The following CNST variants were observed in gnomAD, a reference collection of about 807,000 sequenced individuals.
CNST encodes consortin.
A neutral mutation model predicts 72.4 loss-of-function variants in CNST; 39 were observed. That is an observed-to-expected ratio of 0.54 (90% CI 0.42 to 0.70). The LOEUF (loss-of-function observed/expected upper bound fraction) is 0.70, where lower values mean the gene tolerates loss of function less well. Among genes scored for constraint, CNST ranks in the 30% least tolerant of loss-of-function variants. The probability of loss-of-function intolerance (pLI) is 0.00; values close to 1 mark genes in which losing one functional copy is unlikely to be tolerated. For synonymous variants in CNST, 332 were observed against 320.1 expected, an observed-to-expected ratio of 1.04 and a Z score of -0.40; for missense variants, 871 against 868.5, an observed-to-expected ratio of 1.00 and a Z score of -0.04.
At position 246,638,234 on chromosome 1, in the gene CNST, TGGAA is replaced by T. The variant is rs563103532; in HGVS notation, c.819-3513_819-3510del. Among the ~76,000 whole-genome samples the T allele has an allele frequency of 4.2e-3, 643 of 152,312 alleles. 5 individuals carry two copies. The highest frequency in any genetic ancestry group is 6.4e-3 in the Non-Finnish European group (434 of 68,016). ...TCCTTGCTTTTGGAGGTTCTGGACC[TGGAA>T]GTCCTCCTTTTCTTCTGAGGAGTAA... On this transcript the variant is annotated intron_variant, in intron 6 of 10. Coordinates refer to ENST00000366513, the MANE Select transcript of CNST (RefSeq NM_152609.3).
intron 1 of CNST, among the ~76,000 whole-genome samples, chr1:246,580,124 G>C (rs1180483347): frequency 3.3e-5 from 5 of 152,122 alleles, no homozygotes. Flanking sequence ...CTTGAAAGTG[G>C]TAATAAACTG....
chr1:246,646,741 A>G (rs1666102354), intron 8 of CNST, among the ~76,000 whole-genome samples: 1 of 152,212 alleles, frequency 6.6e-6, no homozygotes, highest in South Asian at 2.1e-4. Context: ...CGGCCTCCCA[A>G]AGTGCTGGGA....
At chr1:246,580,322 TTAAA>T (rs1660701430) in intron 1 of CNST, among the ~76,000 whole-genome samples, 1 of 152,198 alleles carries the variant, frequency 6.6e-6, no homozygotes, top group African/African-American at 2.4e-5. Flanking sequence ...TGGTCAGAAA[TTAAA>T]TGAATGCATG....
intron 2 of CNST, among the ~76,000 whole-genome samples, chr1:246,613,324 T>G (rs1663457161): frequency 6.6e-6 from 1 of 152,130 alleles, no homozygotes; most frequent in African/African-American, 2.4e-5. Flanking sequence ...ATTCCTTTCC[T>G]CAGGGTGTGT....
intron 2 of CNST, among the ~76,000 whole-genome samples, chr1:246,616,331 T>G (rs1663686809): frequency 6.6e-6 from 1 of 152,072 alleles, no homozygotes; most frequent in Non-Finnish European, 1.5e-5. Context: ...GGAGGACCAG[T>G]TGAGGCCAGA....
rs1278842970 is a variant in CNST, at chr1:246,591,682, A to C, written c.120A>C (p.Glu40Asp). The C allele has an allele frequency of 6.2e-7, 1 of 1,614,098 alleles. No homozygotes were observed. The highest frequency in any genetic ancestry group is 1.3e-5 in the African/African-American group (1 of 74,928). Residue 40 changes from glutamate to aspartate, a missense_variant, in exon 2 of 11, where the codon GAA becomes GAC. Glu to Asp is a conservative substitution (Grantham distance 45, BLOSUM62 2). Transcript: ENST00000366513. ...TCLPSASDEN[E>D]NQLDGDGHEH... ...TGCCTTCTGCATCAGATGAAAATGA[A>C]AATCAGCTTGACGGGGACGGGCATG...
rs114528134 is a variant in CNST, at chr1:246,574,631, A to G, written c.-52+7968A>G. Among the ~76,000 whole-genome samples the G allele has an allele frequency of 4.3e-3, 660 of 151,860 alleles. 3 individuals are homozygous for G. The highest frequency in any genetic ancestry group is 0.015 in the African/African-American group (633 of 41,416). On this transcript the variant is annotated intron_variant, in intron 1 of 10. Coordinates refer to ENST00000366513, the MANE Select transcript of CNST (RefSeq NM_152609.3). ...AGATAGGGCCTCCCTGTGTTGCCCCAGCTGGTCTAGAACTCCTGGCCTCCT... is the reference window on the plus strand; with the variant it reads ...AGATAGGGCCTCCCTGTGTTGCCCCGGCTGGTCTAGAACTCCTGGCCTCCT...
chr1:246,570,680 T>TG (rs11423521), intron 1 of CNST, among the ~76,000 whole-genome samples: 48,668 of 151,984 alleles, frequency 0.32, 8,269 homozygotes, highest in Admixed American at 0.39. Flanking sequence ...GGATGTTCTA[T>TG]AAGAAAATAA....
At position 246,631,904 on chromosome 1, in the gene CNST, C is replaced by G. The variant is rs1558572946; in HGVS notation, c.596C>G (p.Ser199Cys). 6.5e-7 allele frequency: 1 copy of G among 1,549,264 alleles called. No individual in the cohort carries two copies. The highest frequency in any genetic ancestry group is 2.3e-5 in the East Asian group (1 of 44,060). The change falls in exon 4 of 11, where the codon TCC becomes TGC. Residue 199 changes from serine (S) to cysteine (C), a missense_variant. Physicochemically the swap from Ser to Cys is moderately radical, Grantham distance 112. Coordinates refer to ENST00000366513, the MANE Select transcript of CNST (RefSeq NM_152609.3). ...LPLCLHQIAE[S>C]YFQEEDYEKA... The stretch of plus-strand genomic sequence containing the variant: ...CTTTGTTTTTAACAGATAGCAGAAT[C>G]CTATTTCCAGGAGGAGGACTGTATC...
intron 9 of CNST, among the ~76,000 whole-genome samples, chr1:246,650,440 C>T (rs558832030): frequency 6.6e-6 from 1 of 152,212 alleles, no homozygotes; most frequent in South Asian, 2.1e-4. Context: ...TACTTACTAC[C>T]CTCGCTATTC....
At chr1:246,643,167 C>T (rs567278658) in intron 8 of CNST, among the ~76,000 whole-genome samples, 51 of 152,156 alleles carry the variant, frequency 3.4e-4, no homozygotes, top group African/African-American at 1.1e-3. Context: ...CCTGGAATTA[C>T]AGGCATGAGC....
chr1:246,605,146 A>C (rs1662627742), intron 2 of CNST, among the ~76,000 whole-genome samples: 1 of 152,378 alleles, frequency 6.6e-6, no homozygotes, highest in East Asian at 1.9e-4. Flanking sequence ...TGGAATGAAC[A>C]GGGAAAATAT....
At chr1:246,607,274 C>A (rs1662918928) in intron 2 of CNST, 1 of 151,930 alleles carries the variant, frequency 6.6e-6, no homozygotes, top group South Asian at 2.1e-4. Flanking sequence ...GAAGGTCTAT[C>A]CCATGCCACG....
intron 2 of CNST, among the ~76,000 whole-genome samples, chr1:246,599,678 C>T (rs1011243576): frequency 2.0e-4 from 30 of 152,172 alleles, no homozygotes; most frequent in African/African-American, 6.8e-4. Flanking sequence ...GAGGCTAAAG[C>T]GAGCAGCATA....
chr1:246,591,489 CT>C, intron 1 of CNST, 22 bp from the exon 2 acceptor site: 1 of 1,534,106 alleles, frequency 6.5e-7, no homozygotes, highest in Non-Finnish European at 8.9e-7. Context: ...AATGAAGTAG[CT>C]TTTTTCTTTT....
At chr1:246,574,961 TTCC>T (rs1367305488) in intron 1 of CNST, among the ~76,000 whole-genome samples, 36 of 141,688 alleles carry the variant, frequency 2.5e-4, no homozygotes, top group Non-Finnish European at 3.6e-4. Flanking sequence ...TGAACAAATC[TTCC>T]TCAAGTATTT....
chr1:246,575,855 T>G (rs1011503417), intron 1 of CNST, among the ~76,000 whole-genome samples: 5 of 152,176 alleles, frequency 3.3e-5, no homozygotes, highest in Non-Finnish European at 7.3e-5. Context: ...AATTCCCTAT[T>G]TTTATTTCAA....
chr1:246,605,662 C>T (rs1186896452), intron 2 of CNST, among the ~76,000 whole-genome samples: 6 of 149,140 alleles, frequency 4.0e-5, no homozygotes, highest in Admixed American at 6.7e-5. Context: ...GTCTTCCGGC[C>T]GGGGTGCGTG....
At chr1:246,566,902 T>TC (rs1399650928) in intron 1 of CNST, 1 of 364,534 alleles carries the variant, frequency 2.7e-6, no homozygotes, top group Non-Finnish European at 4.9e-6. Flanking sequence ...AATTTCTCCC[T>TC]CCCTAGGGGA....
Sources: gnomAD v4.1 joint callset for allele counts (sites outside exome capture counted in the v4.1 genomes callset) on GRCh38, gnomAD v4.1.1 for gene constraint, MANE v1.5 for transcripts, NCBI Gene and HGNC (gene_info 2026-07-23, HGNC 2026-07-21) for gene names.